The following GALNT14 variants were observed in gnomAD, a reference collection of about 807,000 sequenced individuals.
The protein encoded by GALNT14 is polypeptide N-acetylgalactosaminyltransferase 14.
Under a neutral mutation model 77.5 loss-of-function variants are expected in GALNT14, and 60 were observed. The ratio of observed to expected loss-of-function variants is 0.77; its 90% CI spans 0.63 to 0.96. The LOEUF (loss-of-function observed/expected upper bound fraction) is 0.96. Among genes scored for constraint, GALNT14 ranks in the 40% least tolerant of loss-of-function variants. GALNT14 has a pLI of 0.00. For synonymous variants in GALNT14, 280 were observed against 281.7 expected, an observed-to-expected ratio of 0.99 and a Z score of 0.06; for missense variants, 710 against 731.0, an observed-to-expected ratio of 0.97 and a Z score of 0.33.
chr2:30,891,601 GTTC>G, the GALNT14 span, among the ~76,000 whole-genome samples: 1 of 152,208 alleles, frequency 6.6e-6, no homozygotes, highest in Non-Finnish European at 1.5e-5. Context: ...ATGAACCCTA[GTTC>G]TGTCTTCAGG....
chr2:30,981,779 C>A lies in GALNT14; in HGVS notation c.299+11059G>T, dbSNP rs982940391. ...GCAGAAGTATTTTCAAACCAGCAGA[C>A]AGAGCTGGAACTGACCTTAATAAGC... On this transcript the variant is annotated intron_variant, in intron 2 of 14. Coordinates refer to ENST00000349752, the MANE Select transcript of GALNT14 (RefSeq NM_024572.4). Among the ~76,000 whole-genome samples the A allele has an allele frequency of 6.6e-5, 10 of 152,180 alleles. 1 individual carries two copies. Among genetic ancestry groups the A allele is most frequent in the Non-Finnish European group, 1.2e-4 (8 of 68,032 alleles).
In GALNT14 at chr2:31,031,520, G is replaced by A. The variant is rs566952771; in HGVS notation, c.130-38513C>T. ...CTTTGCATGGCCATGCAAATCCTTT[G>A]ATAAGACTCCCTCTCATGCACCAAT... is the stretch of plus-strand genomic sequence containing the variant. On this transcript the variant is annotated intron_variant, in intron 1 of 14. Coordinates refer to ENST00000349752, the MANE Select transcript of GALNT14 (RefSeq NM_024572.4). 3.3e-5 allele frequency among the ~76,000 whole-genome samples: 5 copies of A among 152,120 alleles called. No homozygotes were observed. The East Asian group carries it at 9.7e-4, about 29-fold the overall frequency.
intron 1 of GALNT14, among the ~76,000 whole-genome samples, chr2:31,050,492 A>C (rs1054330990): frequency 2.6e-5 from 4 of 152,114 alleles, no homozygotes; most frequent in Non-Finnish European, 2.9e-5. Flanking sequence ...CAGACAGACA[A>C]AGCCTGCCTC....
At chr2:30,919,223 T>C (rs893376548) in intron 13 of GALNT14, among the ~76,000 whole-genome samples, 3 of 152,172 alleles carry the variant, frequency 2.0e-5, no homozygotes, top group African/African-American at 7.2e-5. Context: ...GCTTCACATG[T>C]TTACAAACGG....
intron 13 of GALNT14, among the ~76,000 whole-genome samples, chr2:30,918,257 G>A (rs1451575823): frequency 2.6e-5 from 4 of 152,234 alleles, no homozygotes; most frequent in Non-Finnish European, 5.9e-5. Flanking sequence ...GCTGGGTCAT[G>A]TTGTTGGATC....
At chr2:31,084,187 A>G (rs148456361) in intron 1 of GALNT14, among the ~76,000 whole-genome samples, 26 of 152,302 alleles carry the variant, frequency 1.7e-4, no homozygotes, top group Non-Finnish European at 2.9e-4. Flanking sequence ...CCTCAACACA[A>G]CCGATTATTA....
intron 3 of GALNT14, among the ~76,000 whole-genome samples, chr2:30,965,469 G>A (rs551548737): frequency 2.0e-5 from 3 of 152,002 alleles, no homozygotes; most frequent in Admixed American, 6.6e-5. Flanking sequence ...ATGGGGGAAG[G>A]GGGGTGAAAC....
intron 1 of GALNT14, among the ~76,000 whole-genome samples, chr2:31,021,818 A>G (rs7601904): frequency 0.43 from 65,611 of 152,072 alleles, 14,254 homozygotes; most frequent in East Asian, 0.56. Context: ...ACTGGCATGG[A>G]AGGCCGGAAG....
intron 1 of GALNT14, among the ~76,000 whole-genome samples, chr2:31,123,121 G>A (rs1375819201): frequency 1.4e-5 from 2 of 143,110 alleles, no homozygotes; most frequent in African/African-American, 5.2e-5. Flanking sequence ...GGCGGAGCTT[G>A]CAGTGAGCCG....
chr2:31,070,005 T>C (rs1359167342), intron 1 of GALNT14, among the ~76,000 whole-genome samples: 3 of 151,802 alleles, frequency 2.0e-5, no homozygotes, highest in Non-Finnish European at 4.4e-5. Flanking sequence ...GGGGGCAAAG[T>C]CACAATCCTT....
chr2:30,929,299 GC>G (rs1376560877), intron 11 of GALNT14, 95 bp downstream of exon 11: 8 of 865,434 alleles, frequency 9.2e-6, no homozygotes, highest in African/African-American at 1.7e-5. Context: ...GCTGAGGGTA[GC>G]TAAGCTGACT....
intron 9 of GALNT14, among the ~76,000 whole-genome samples, chr2:30,941,863 A>G (rs1439391623): frequency 6.6e-6 from 1 of 152,170 alleles, no homozygotes; most frequent in Non-Finnish European, 1.5e-5. Flanking sequence ...TCAAGCCTGT[A>G]TCTGACCCCT....
intron 1 of GALNT14, among the ~76,000 whole-genome samples, chr2:31,080,274 A>C (rs1676076199): frequency 6.6e-6 from 1 of 152,228 alleles, no homozygotes; most frequent in African/African-American, 2.4e-5. Flanking sequence ...TTATCAGATA[A>C]AATACAGGAC....
At chr2:31,079,321 CCT>C (rs1235268889) in intron 1 of GALNT14, among the ~76,000 whole-genome samples, 2 of 152,232 alleles carry the variant, frequency 1.3e-5, no homozygotes, top group African/African-American at 4.8e-5. Flanking sequence ...TGAGAATGAC[CCT>C]GTTTGGAAGA....
chr2:30,932,271 G>A (rs900170591), intron 9 of GALNT14, 77 bp from the exon 10 acceptor site: 12 of 1,322,784 alleles, frequency 9.1e-6, no homozygotes, highest in East Asian at 2.8e-5. Flanking sequence ...CTAATGAAAC[G>A]GTGAGGCCCC....
At chr2:30,932,637 C>T (rs1029628778) in intron 9 of GALNT14, among the ~76,000 whole-genome samples, 3 of 152,136 alleles carry the variant, frequency 2.0e-5, no homozygotes, top group South Asian at 4.1e-4. Context: ...ATCGAGAATA[C>T]GGGAGAATTT....
rs1242069805 is a variant in GALNT14 at position 31,138,377 on chromosome 2, ACGCCGCCACCGCGGCTGCCGC to A, written c.-312_-292del. ...CGCGGTGGCTGCCGAGATGTTCCCC[ACGCCGCCACCGCGGCTGCCGC>A]CGCCGCCGCCGCCGCCTTGCCCGCT... On this transcript the variant is annotated 5_prime_UTR_variant, in exon 1 of 15. Coordinates refer to ENST00000349752, the MANE Select transcript of GALNT14 (RefSeq NM_024572.4). The A allele has an allele frequency of 1.0e-5, 4 of 384,688 alleles. No homozygotes were observed. The highest frequency in any genetic ancestry group is 1.4e-5 in the Non-Finnish European group (3 of 215,730). The allele number at this position is 384,688 out of a possible 1,614,324, so 23.8% of individuals were successfully genotyped here.
chr2:31,134,693 ACCC>A lies in GALNT14; in HGVS notation c.129+3262_129+3264del, dbSNP rs879626739. Reference sequence around the variant, plus strand: ...CTGCCTTAGCACCTCCCTTACACAAACCCCCTGGGAGCTCTCCAAGGGTGAGGA... The same window carrying A: ...CTGCCTTAGCACCTCCCTTACACAAACCTGGGAGCTCTCCAAGGGTGAGGA... On this transcript the variant is annotated intron_variant, in intron 1 of 14. Transcript: ENST00000349752. Among the ~76,000 whole-genome samples the A allele has an allele frequency of 4.6e-5, 7 of 151,566 alleles. No individual in the cohort carries two copies. In the East Asian group the frequency reaches 1.4e-3, roughly 29 times the overall value.
intron 1 of GALNT14, among the ~76,000 whole-genome samples, chr2:30,999,969 T>C (rs1286656588): frequency 6.6e-6 from 1 of 152,178 alleles, no homozygotes; most frequent in African/African-American, 2.4e-5. Flanking sequence ...TTCTCACCGG[T>C]TGGAGCCACA....
Sources: allele counts gnomAD v4.1 joint callset (sites outside exome capture counted in the v4.1 genomes callset), GRCh38; gene constraint gnomAD v4.1.1; transcripts MANE v1.5; gene names NCBI Gene and HGNC (gene_info 2026-07-23, HGNC 2026-07-21).